The following TANC2 variants were observed in gnomAD, a reference collection of about 807,000 sequenced individuals.
The protein encoded by TANC2 is tetratricopeptide repeat, ankyrin repeat and coiled-coil containing 2, also known as protein TANC2.
A neutral mutation model predicts 210.5 loss-of-function variants in TANC2; 26 were observed. That is an observed-to-expected ratio of 0.12 (90% CI 0.09 to 0.17). The LOEUF (loss-of-function observed/expected upper bound fraction) is 0.17. TANC2 is among the 10% of genes least tolerant of loss of function. The probability of loss-of-function intolerance (pLI) is 1.00; values close to 1 mark genes in which losing one functional copy is unlikely to be tolerated. For synonymous variants in TANC2, 931 were observed against 967.1 expected, an observed-to-expected ratio of 0.96 and a Z score of 0.69; for missense variants, 2,129 against 2,608.9, an observed-to-expected ratio of 0.82 and a Z score of 4.01.
At chr17:63,044,222 G>A (rs1351368499) in intron 2 of TANC2, among the ~76,000 whole-genome samples, 1 of 152,048 alleles carries the variant, frequency 6.6e-6, no homozygotes, top group East Asian at 1.9e-4. Flanking sequence ...ATAATATATA[G>A]ACCAGACAGA....
intron 9 of TANC2, among the ~76,000 whole-genome samples, chr17:63,302,295 A>C (rs968905163): frequency 6.6e-6 from 1 of 151,812 alleles, no homozygotes; most frequent in Non-Finnish European, 1.5e-5. Context: ...TATCACGTCC[A>C]CTTGATCCAG....
chr17:63,054,698 T>C (rs1454263054), intron 2 of TANC2, among the ~76,000 whole-genome samples: 5 of 152,152 alleles, frequency 3.3e-5, no homozygotes, highest in Non-Finnish European at 4.4e-5. Context: ...GTCTTTAGTT[T>C]ATGTTCCTGC....
At chr17:63,003,425 A>G (rs545988636) in intron 1 of TANC2, among the ~76,000 whole-genome samples, 128 of 152,346 alleles carry the variant, frequency 8.4e-4, no homozygotes, top group African/African-American at 2.9e-3. Flanking sequence ...TACACGCTAT[A>G]TGCAGTAACT....
intron 3 of TANC2, among the ~76,000 whole-genome samples, chr17:63,095,064 C>T (rs1204090411): frequency 6.8e-6 from 1 of 147,358 alleles, no homozygotes; most frequent in Non-Finnish European, 1.5e-5. Context: ...TGCAACTTTG[C>T]AGAAGCTCCC....
At chr17:63,279,289 T>C (rs561104249) in intron 9 of TANC2, among the ~76,000 whole-genome samples, 25 of 152,216 alleles carry the variant, frequency 1.6e-4, no homozygotes, top group African/African-American at 6.0e-4. Flanking sequence ...ATCACTAGCA[T>C]TTACTGAGCA....
chr17:63,389,650 A>C, intron 17 of TANC2, 106 bp downstream of exon 17: 1 of 1,113,192 alleles, frequency 9.0e-7, no homozygotes, highest in Non-Finnish European at 1.3e-6. Context: ...AGAGTATATC[A>C]AACCATGATG....
intron 24 of TANC2, 57 bp from the exon 25 acceptor site, chr17:63,413,486 C>G (rs1284153096): frequency 1.4e-6 from 2 of 1,386,686 alleles, no homozygotes; most frequent in African/African-American, 2.9e-5. Flanking sequence ...CACCTAGCTT[C>G]CTACCACCCT....
chr17:63,359,922 A>C lies in TANC2; in HGVS notation c.2582+4532A>C, dbSNP rs530059873. Among the ~76,000 whole-genome samples the C allele has an allele frequency of 1.1e-3, 171 of 152,286 alleles. 2 individuals are homozygous for C. Among genetic ancestry groups the C allele is most frequent in the African/African-American group, 3.8e-3 (158 of 41,556 alleles). On this transcript the variant is annotated intron_variant, in intron 14 of 27. Coordinates refer to ENST00000689528, the Ensembl canonical transcript of TANC2. ...TTTATGACCAGAATTGATTGCTTAT[A>C]ATAAGTGGTTTGTCGAGGTTTTTCC...
At chr17:63,425,471 T>C (rs1479245718) in exon 28 of TANC2, 2 of 152,170 alleles carry the variant, frequency 1.3e-5, no homozygotes, top group African/African-American at 4.8e-5. Flanking sequence ...AATTAAAAAT[T>C]AATCAGTATC....
chr17:63,034,365 T>C (rs1343833439), intron 2 of TANC2, among the ~76,000 whole-genome samples: 2 of 152,142 alleles, frequency 1.3e-5, no homozygotes, highest in African/African-American at 4.8e-5. Context: ...TTACTAAATA[T>C]TTTAGGCCCA....
intron 19 of TANC2, among the ~76,000 whole-genome samples, chr17:63,399,961 A>G (rs2048292375): frequency 6.6e-6 from 1 of 152,220 alleles, no homozygotes; most frequent in Non-Finnish European, 1.5e-5. Flanking sequence ...TTAAGAGTCC[A>G]TGACAGATTA....
At chr17:63,200,808 C>T (rs753644514) in exon 7 of TANC2, 2 of 1,613,762 alleles carry the variant, frequency 1.2e-6, no homozygotes. Flanking sequence ...CCTTGTTCCA[C>T]TCTGACTAGC....
chr17:63,097,399 T>C (rs1174209978), intron 3 of TANC2, among the ~76,000 whole-genome samples: 1 of 152,036 alleles, frequency 6.6e-6, no homozygotes, highest in Non-Finnish European at 1.5e-5. Context: ...GTTGAAGTTG[T>C]TCTTTATACC....
rs890232050 is a variant in TANC2 at position 63,091,361 on chromosome 17, T to C, written c.140-7814T>C. Among the ~76,000 whole-genome samples, 33 of 152,228 alleles carry C rather than the reference T, an allele frequency of 2.2e-4. 1 individual carries two copies. The highest frequency in any genetic ancestry group is 1.5e-5 in the Non-Finnish European group (1 of 68,034). On this transcript the variant is annotated intron_variant, in intron 3 of 27. Coordinates refer to ENST00000689528, the Ensembl canonical transcript of TANC2. ...GGTTTTAGGTCTTACATTTAAGTCT[T>C]TAATCCATCTTGAATTAATTTTTGT...
chr17:62,997,288 C>T (rs1598214407), intron 1 of TANC2, among the ~76,000 whole-genome samples: 1 of 151,944 alleles, frequency 6.6e-6, no homozygotes, highest in South Asian at 2.1e-4. Flanking sequence ...CAGCTGTGCA[C>T]CACCAATATT....
chr17:63,322,493 G>A (rs1167011797), intron 11 of TANC2, among the ~76,000 whole-genome samples: 11 of 151,792 alleles, frequency 7.2e-5, no homozygotes, highest in African/African-American at 2.4e-4. Flanking sequence ...GCAAGACTAC[G>A]TCTCAAAAAA....
At position 62,966,833 on chromosome 17, in the gene TANC2, G is replaced by A; in HGVS notation, c.-24+84G>A. On this transcript the variant is annotated intron_variant, in intron 1 of 27. Transcript: ENST00000689528. The surrounding 1 kb of genome is among the most constrained non-coding windows in gnomAD (Gnocchi z 5.1). ...TCCACAGCCTCGGCTCCGGGGAGAG[G>A]GGCGGGGGCGAGCGGGGAGACGGCG... 1 of 152,456 alleles carries A rather than the reference G, an allele frequency of 6.6e-6. No individual in the cohort carries two copies. The highest frequency in any genetic ancestry group is 1.5e-5 in the Non-Finnish European group (1 of 68,148). 9.4% of individuals were successfully genotyped at this position (152,456 alleles called of 1,614,324 possible).
In TANC2 at chr17:63,319,870, TC is replaced by T. The variant is rs1444660824; in HGVS notation, c.1575+782del. 2.6e-5 allele frequency among the ~76,000 whole-genome samples: 4 copies of T among 152,318 alleles called. No individual in the cohort carries two copies. In the East Asian group the frequency reaches 7.7e-4, roughly 29 times the overall value. On this transcript the variant is annotated intron_variant, in intron 11 of 27. Coordinates refer to ENST00000689528, the Ensembl canonical transcript of TANC2. Reference sequence around the variant, plus strand: ...CTTCCTCTACCCCACCCATCTTCTCTCCACAGGCAGCCACTTTTACCTCTTA... The same window carrying T: ...CTTCCTCTACCCCACCCATCTTCTCTCACAGGCAGCCACTTTTACCTCTTA...
chr17:63,103,327 C>G (rs1341674839), intron 4 of TANC2, among the ~76,000 whole-genome samples: 1 of 152,176 alleles, frequency 6.6e-6, no homozygotes, highest in Non-Finnish European at 1.5e-5. Flanking sequence ...AATAGTTTGA[C>G]TCATTTTCAG....
Sources: allele counts gnomAD v4.1 joint callset (sites outside exome capture counted in the v4.1 genomes callset), GRCh38; gene constraint gnomAD v4.1.1; non-coding constraint Gnocchi (gnomAD v3.1); transcripts MANE v1.5; gene names NCBI Gene and HGNC (gene_info 2026-07-23, HGNC 2026-07-21).